TUNAR: variants seen among roughly 807,000 people sequenced by gnomAD.
The protein encoded by TUNAR is protein TUNAR.
chr14:95,922,703 A>T, intron 2 of TUNAR, 78 bp from the exon 2 acceptor site: 1 of 397,456 alleles, frequency 2.5e-6, no homozygotes, highest in East Asian at 3.6e-5. Context: ...GCAGATCACT[A>T]CCCACTACAG....
chr14:95,918,096 A>AT (rs1889635035), intron 2 of TUNAR, among the ~76,000 whole-genome samples: 2 of 152,180 alleles, frequency 1.3e-5, no homozygotes, highest in Non-Finnish European at 2.9e-5. Context: ...TTTATTTTTA[A>AT]TTTTTTAAAT....
chr14:95,881,142 A>T (rs1175960353), intron 2 of TUNAR, among the ~76,000 whole-genome samples: 1 of 152,212 alleles, frequency 6.6e-6, no homozygotes, highest in Non-Finnish European at 1.5e-5. Context: ...AAGCATGCAG[A>T]TGATTTGACG....
chr14:95,904,930 C>T (rs575021870), intron 2 of TUNAR, among the ~76,000 whole-genome samples: 1 of 152,286 alleles, frequency 6.6e-6, no homozygotes, highest in East Asian at 1.9e-4. Context: ...GTCCCAGAGC[C>T]TGTCACCAAA....
chr14:95,906,571 TAC>T (rs1889429501), intron 2 of TUNAR, among the ~76,000 whole-genome samples: 2 of 152,392 alleles, frequency 1.3e-5, no homozygotes, highest in South Asian at 4.1e-4. Flanking sequence ...AGCGTTTGTG[TAC>T]AGTCTTTTTG....
chr14:95,895,842 C>A lies in TUNAR; in HGVS notation c.12+18665C>A. 6.6e-6 allele frequency: 1 copy of A among 152,506 alleles called. No individual in the cohort carries two copies. Among genetic ancestry groups the A allele is most frequent in the Non-Finnish European group, 1.5e-5 (1 of 68,140 alleles). The allele number at this position is 152,506 out of a possible 1,614,324, so 9.4% of individuals were successfully genotyped here. On this transcript the variant is annotated intron_variant, in intron 2 of 2. Transcript: ENST00000678517. This position sits in a 1 kb window ranked among gnomAD's most constrained non-coding sequence, Gnocchi z 4.5. ...GCCCGCTGTCGCCTTCTCTCTGACC[C>A]TGGTCCCTTCCACTGCAGGCTGTTG...
intron 2 of TUNAR, among the ~76,000 whole-genome samples, chr14:95,893,158 C>G (rs1362218052): frequency 6.6e-6 from 1 of 151,996 alleles, no homozygotes; most frequent in African/African-American, 2.4e-5. Context: ...TCGTGAGGGT[C>G]CCTGCCAAGG....
intron 2 of TUNAR, among the ~76,000 whole-genome samples, chr14:95,892,805 C>G (rs139688591): frequency 1.4e-3 from 220 of 152,304 alleles, no homozygotes; most frequent in African/African-American, 5.0e-3. Context: ...ATTTTAAAAC[C>G]ATGCACGACT....
rs371884266 is a variant in TUNAR at position 95,913,115 on chromosome 14, T to A, written c.13-9666T>A. On this transcript the variant is annotated intron_variant, in intron 2 of 2. Coordinates refer to ENST00000678517, the Ensembl canonical transcript of TUNAR. ...CGGGCATCTTTTTTTTTTTACCTCATGGTCTTTGTCACCATCATTTTCTTT... is the reference window on the plus strand; with the variant it reads ...CGGGCATCTTTTTTTTTTTACCTCAAGGTCTTTGTCACCATCATTTTCTTT... Among the ~76,000 whole-genome samples the A allele has an allele frequency of 2.0e-5, 3 of 151,752 alleles. No individual in the cohort carries two copies. In the East Asian group the frequency reaches 5.8e-4, roughly 29 times the overall value.
rs528721570 is a variant in TUNAR at position 95,896,768 on chromosome 14, T to A, written c.12+19591T>A. On this transcript the variant is annotated intron_variant, in intron 2 of 2. Transcript: ENST00000678517. The stretch of plus-strand genomic sequence containing the variant: ...TGTAAAAAATAACACTTTGTTATGT[T>A]GATATCATGCGGCAGCAGAGTACTC... Among the ~76,000 whole-genome samples, 325 of 152,346 alleles carry A rather than the reference T, an allele frequency of 2.1e-3. 3 individuals are homozygous for A. Among genetic ancestry groups the A allele is most frequent in the Non-Finnish European group, 1.0e-3 (68 of 68,036 alleles).
At chr14:95,921,562 CAA>C (rs1226417602) in intron 2 of TUNAR, among the ~76,000 whole-genome samples, 1 of 152,160 alleles carries the variant, frequency 6.6e-6, no homozygotes, top group Non-Finnish European at 1.5e-5. Flanking sequence ...ACCATGCATA[CAA>C]AAAGAGTAGC....
intron 2 of TUNAR, among the ~76,000 whole-genome samples, chr14:95,901,269 C>T (rs1309773199): frequency 6.6e-6 from 1 of 152,208 alleles, no homozygotes; most frequent in Non-Finnish European, 1.5e-5. Context: ...GAGCAGAAAT[C>T]TGGGCAACCA....
At chr14:95,877,558 C>T (rs530599130) in intron 2 of TUNAR, among the ~76,000 whole-genome samples, 4 of 152,252 alleles carry the variant, frequency 2.6e-5, no homozygotes, top group Admixed American at 2.6e-4. Context: ...CCCCGTTTCT[C>T]CTTGGCCCAG....
chr14:95,894,421 C>G (rs952128283), intron 2 of TUNAR, among the ~76,000 whole-genome samples: 1 of 152,160 alleles, frequency 6.6e-6, no homozygotes. Flanking sequence ...GGTCCCCGTT[C>G]CCCAGGCACC....
intron 2 of TUNAR, among the ~76,000 whole-genome samples, chr14:95,878,238 T>C (rs1230331666): frequency 6.6e-6 from 1 of 152,260 alleles, no homozygotes; most frequent in African/African-American, 2.4e-5. Context: ...GCCTGATGCA[T>C]GCCCCCAGTT....
chr14:95,893,921 A>G (rs1294030055), intron 2 of TUNAR, among the ~76,000 whole-genome samples: 1 of 152,236 alleles, frequency 6.6e-6, no homozygotes, highest in Non-Finnish European at 1.5e-5. Flanking sequence ...TCATTTGCAA[A>G]TAGCCTTGCA....
At chr14:95,892,555 T>C (rs1193667346) in intron 2 of TUNAR, among the ~76,000 whole-genome samples, 1 of 152,224 alleles carries the variant, frequency 6.6e-6, no homozygotes, top group African/African-American at 2.4e-5. Context: ...TTTGGGGAAG[T>C]GGCATGGAGC....
At chr14:95,909,432 C>T (rs890206451) in intron 2 of TUNAR, among the ~76,000 whole-genome samples, 1 of 152,024 alleles carries the variant, frequency 6.6e-6, no homozygotes, top group Admixed American at 6.5e-5. Flanking sequence ...TTCGGGCACC[C>T]ACCACCATGC....
At chr14:95,907,216 T>C (rs1402721250) in intron 2 of TUNAR, among the ~76,000 whole-genome samples, 1 of 152,200 alleles carries the variant, frequency 6.6e-6, no homozygotes, top group Non-Finnish European at 1.5e-5. Flanking sequence ...GCATTTAGGT[T>C]GCTTTTCGTA....
intron 2 of TUNAR, among the ~76,000 whole-genome samples, chr14:95,879,878 T>G (rs1888951681): frequency 6.6e-6 from 1 of 152,232 alleles, no homozygotes; most frequent in South Asian, 2.1e-4. Context: ...CTTACTCTTC[T>G]AAGTCAGGGC....
Sources: allele counts gnomAD v4.1 joint callset (sites outside exome capture counted in the v4.1 genomes callset), GRCh38; gene constraint gnomAD v4.1.1; non-coding constraint Gnocchi (gnomAD v3.1); transcripts MANE v1.5; gene names NCBI Gene and HGNC (gene_info 2026-07-23, HGNC 2026-07-21).